THSD7B: variants seen among roughly 807,000 people sequenced by gnomAD.
THSD7B encodes thrombospondin type-1 domain-containing protein 7B.
A neutral mutation model predicts 213.6 loss-of-function variants in THSD7B; 138 were observed. That is an observed-to-expected ratio of 0.65 (90% CI 0.56 to 0.74). The LOEUF (loss-of-function observed/expected upper bound fraction) is 0.74. Among genes scored for constraint, THSD7B ranks in the 30% least tolerant of loss-of-function variants. The pLI is 0.00. For missense variants in THSD7B, 1,931 were observed against 1,991.5 expected, an observed-to-expected ratio of 0.97 and a Z score of 0.58; for synonymous variants, 742 against 687.0, an observed-to-expected ratio of 1.08 and a Z score of -1.25.
rs551965637 is a variant in THSD7B at position 137,049,152 on chromosome 2, C to T, written c.140-7268C>T. On this transcript the variant is annotated intron_variant, in intron 2 of 27. Transcript: ENST00000409968. ...TATCTTTTGACAGGTAGCAGAGCCCCGAGAGTTTTGAGGCCATCGCTCGAA... is the reference window on the plus strand; with the variant it reads ...TATCTTTTGACAGGTAGCAGAGCCCTGAGAGTTTTGAGGCCATCGCTCGAA... 1.5e-3 allele frequency among the ~76,000 whole-genome samples: 222 copies of T among 152,286 alleles called. 1 individual carries two copies. Among genetic ancestry groups the T allele is most frequent in the Non-Finnish European group, 2.1e-3 (146 of 68,026 alleles).
intron 2 of THSD7B, among the ~76,000 whole-genome samples, chr2:136,977,101 C>CT (rs1010851925): frequency 1.4e-3 from 218 of 151,016 alleles, no homozygotes; most frequent in African/African-American, 4.9e-3. Flanking sequence ...TGGTCCTAAG[C>CT]TTTTTTTTTG....
At chr2:136,830,124 G>GCA (rs142136751) in intron 1 of THSD7B, among the ~76,000 whole-genome samples, 1,706 of 148,532 alleles carry the variant, frequency 0.011, 25 homozygotes, top group African/African-American at 0.033. Flanking sequence ...GCCTGTGCGC[G>GCA]CACACACACA....
chr2:137,274,965 T>C (rs1682835263), intron 11 of THSD7B, among the ~76,000 whole-genome samples: 1 of 152,096 alleles, frequency 6.6e-6, no homozygotes, highest in Admixed American at 6.6e-5. Flanking sequence ...TTGCTTTATG[T>C]TTCTCACTGC....
intron 12 of THSD7B, among the ~76,000 whole-genome samples, chr2:137,312,934 G>T (rs1041358435): frequency 6.7e-6 from 1 of 150,114 alleles, no homozygotes; most frequent in African/African-American, 2.5e-5. Flanking sequence ...CAAGTATGTG[G>T]TCAATTTTGG....
intron 2 of THSD7B, among the ~76,000 whole-genome samples, chr2:136,888,110 A>T (rs1683750891): frequency 6.6e-6 from 1 of 152,138 alleles, no homozygotes; most frequent in African/African-American, 2.4e-5. Flanking sequence ...AAAAGAGGGG[A>T]TTATTTGACA....
At chr2:137,664,933 C>T (rs1273834450) in intron 26 of THSD7B, among the ~76,000 whole-genome samples, 2 of 152,192 alleles carry the variant, frequency 1.3e-5, no homozygotes, top group East Asian at 1.9e-4. Flanking sequence ...TCCTTCCAAA[C>T]CCTAGGCCTT....
chr2:137,543,701 T>C (rs1199979350), intron 15 of THSD7B, among the ~76,000 whole-genome samples: 1 of 151,730 alleles, frequency 6.6e-6, no homozygotes, highest in African/African-American at 2.4e-5. Context: ...GATAAAATAT[T>C]TGCAAACCAT....
At chr2:137,382,579 G>C (rs1319882820) in intron 12 of THSD7B, among the ~76,000 whole-genome samples, 2 of 152,230 alleles carry the variant, frequency 1.3e-5, no homozygotes, top group Admixed American at 1.3e-4. Flanking sequence ...GCTTGTGAGA[G>C]TATGGCAGGA....
At chr2:137,311,579 G>T (rs1158288421) in intron 12 of THSD7B, among the ~76,000 whole-genome samples, 1 of 152,020 alleles carries the variant, frequency 6.6e-6, no homozygotes, top group Non-Finnish European at 1.5e-5. Flanking sequence ...TCCCTCTCTT[G>T]TGCCCGTTTT....
chr2:137,118,520 T>A (rs752421970), intron 5 of THSD7B, among the ~76,000 whole-genome samples: 7 of 151,994 alleles, frequency 4.6e-5, no homozygotes, highest in African/African-American at 1.5e-4. Flanking sequence ...TCCAGAAAAA[T>A]TTTTGGTGTG....
intron 3 of THSD7B, among the ~76,000 whole-genome samples, chr2:137,090,531 G>A (rs532967146): frequency 2.7e-4 from 41 of 152,120 alleles, no homozygotes; most frequent in South Asian, 1.0e-3. Context: ...ACGTTTCCAG[G>A]GGAAGTAAGA....
intron 24 of THSD7B, among the ~76,000 whole-genome samples, chr2:137,659,047 G>A (rs1451795557): frequency 2.0e-5 from 3 of 152,048 alleles, no homozygotes; most frequent in African/African-American, 7.2e-5. Flanking sequence ...TCAAAAATAT[G>A]TACGGAGCAG....
At chr2:137,446,708 T>C (rs1373335603) in intron 14 of THSD7B, among the ~76,000 whole-genome samples, 2 of 152,092 alleles carry the variant, frequency 1.3e-5, no homozygotes, top group East Asian at 3.8e-4. Context: ...CCAAGCAATG[T>C]ATTCTGCATA....
intron 5 of THSD7B, among the ~76,000 whole-genome samples, chr2:137,142,627 A>G (rs1679610240): frequency 6.6e-6 from 1 of 152,132 alleles, no homozygotes; most frequent in Non-Finnish European, 1.5e-5. Context: ...CATAATATTT[A>G]TCTTTTCTCA....
intron 7 of THSD7B, among the ~76,000 whole-genome samples, chr2:137,176,805 G>A (rs11680539): frequency 0.16 from 24,228 of 152,168 alleles, 2,047 homozygotes; most frequent in African/African-American, 0.2. Flanking sequence ...GCCTGGAGGT[G>A]TATGTTTGAA....
rs186205034 is a variant in THSD7B, at chr2:137,153,310, C to G, written c.1370-6903C>G. 5.9e-5 allele frequency among the ~76,000 whole-genome samples: 9 copies of G among 152,178 alleles called. No individual in the cohort carries two copies. The East Asian group carries it at 9.7e-4, about 16-fold the overall frequency. ...AAAATCACTAGTTGATATTCATTTT[C>G]TAATTGGCTATATGAAATGAATGAA... On this transcript the variant is annotated intron_variant, in intron 5 of 27. Transcript: ENST00000409968.
chr2:137,317,377 G>A (rs1428236109), intron 12 of THSD7B, among the ~76,000 whole-genome samples: 2 of 152,148 alleles, frequency 1.3e-5, no homozygotes, highest in East Asian at 1.9e-4. Context: ...GTGTCTACAC[G>A]TTCTGCAATT....
intron 1 of THSD7B, among the ~76,000 whole-genome samples, chr2:136,796,980 T>TCTCACACA (rs144405485): frequency 2.7e-5 from 4 of 146,948 alleles, no homozygotes; most frequent in Admixed American, 6.8e-5. Context: ...TCATATTTGA[T>TCTCACACA]CACACACACA....
At chr2:137,228,871 T>C (rs1405054045) in intron 7 of THSD7B, among the ~76,000 whole-genome samples, 1 of 152,208 alleles carries the variant, frequency 6.6e-6, no homozygotes, top group Non-Finnish European at 1.5e-5. Flanking sequence ...TTTTATCCCA[T>C]CATATGCCTT....
Sources: gnomAD v4.1 joint callset for allele counts (sites outside exome capture counted in the v4.1 genomes callset) on GRCh38, gnomAD v4.1.1 for gene constraint, MANE v1.5 for transcripts, NCBI Gene and HGNC (gene_info 2026-07-23, HGNC 2026-07-21) for gene names.